ROCK1: variants seen among roughly 807,000 people sequenced by gnomAD.
ROCK1 encodes the protein rho-associated protein kinase 1.
In ROCK1, 36 loss-of-function variants were observed where a neutral mutation model predicts 196.8. The observed-to-expected ratio is 0.18, with a 90% confidence interval of 0.14 to 0.24. The LOEUF (loss-of-function observed/expected upper bound fraction) is 0.24, where lower values mean the gene tolerates loss of function less well. ROCK1 is among the 10% of genes least tolerant of loss of function. The pLI is 1.00. For missense variants in ROCK1, 920 were observed against 1,562.0 expected (o/e 0.59, Z 6.93); for synonymous variants, 443 against 515.9 (o/e 0.86, Z 1.91).
rs1491188980 is a variant in ROCK1 at position 21,078,373 on chromosome 18, C to CACAG, written c.94-7761_94-7760insCTGT. 3.7e-3 allele frequency among the ~76,000 whole-genome samples: 242 copies of CACAG among 66,202 alleles called. 1 individual carries two copies. Among genetic ancestry groups the CACAG allele is most frequent in the East Asian group, 0.022 (37 of 1,720 alleles). 43.4% of individuals were successfully genotyped at this position (66,202 alleles called of 152,430 possible). A position where few individuals can be genotyped will look rare whatever the true frequency, so the allele number is the denominator to read the frequency against. ...ACACACACACACACACACACACACA[C>CACAG]AGAGAGAGAGAGAGAGAGAGAGAGA... On this transcript the variant is annotated intron_variant, in intron 1 of 32. Coordinates refer to ENST00000399799, the MANE Select transcript of ROCK1 (RefSeq NM_005406.3).
rs2143398382 is a variant in ROCK1 at position 20,987,063 on chromosome 18, C to T, written c.2191G>A (p.Glu731Lys). The change falls in exon 19 of 33, where the codon GAA becomes AAA. Residue 731 changes from glutamate to lysine, a missense_variant. Coordinates refer to ENST00000399799, the MANE Select transcript of ROCK1 (RefSeq NM_005406.3). ...KEEREAREKAENRVVQIEKQC... is the reference protein window; with the variant it reads ...KEEREAREKAKNRVVQIEKQC... ...TTCTCAATCTGAACAACCCGATTTT[C>T]AGCCTTCTCTCGAGCTTCTCTTTCT... 6.2e-7 allele frequency: 1 copy of T among 1,613,002 alleles called. No homozygotes were observed. The highest frequency in any genetic ancestry group is 8.5e-7 in the Non-Finnish European group (1 of 1,179,774).
At chr18:20,990,948 CG>C (rs2035619813) in intron 18 of ROCK1, among the ~76,000 whole-genome samples, 1 of 151,824 alleles carries the variant, frequency 6.6e-6, no homozygotes, top group Admixed American at 6.6e-5. Context: ...TTAGTAGAGA[CG>C]GGGTTTCACC....
intron 1 of ROCK1, among the ~76,000 whole-genome samples, chr18:21,100,308 C>T (rs2036647997): frequency 6.6e-6 from 1 of 151,612 alleles, no homozygotes; most frequent in East Asian, 1.9e-4. Flanking sequence ...TAGCATTCCC[C>T]ACCAAAAGGA....
chr18:21,069,693 T>G (rs2036367068), intron 2 of ROCK1, among the ~76,000 whole-genome samples: 1 of 152,122 alleles, frequency 6.6e-6, no homozygotes, highest in Non-Finnish European at 1.5e-5. Context: ...CTCCATCTTT[T>G]TAGTTCCTTC....
chr18:21,102,785 C>T lies in ROCK1; in HGVS notation c.93+8033G>A, dbSNP rs567707727. Among the ~76,000 whole-genome samples the T allele has an allele frequency of 6.6e-5, 10 of 151,976 alleles. No individual in the cohort carries two copies. The South Asian group carries it at 2.1e-3, about 32-fold the overall frequency. ...AGAGGCTGAGGCAGAAGAATGGCTTCAGCTCGGGAAGTGGAGGCTTCAGTG... is the reference window on the plus strand; with the variant it reads ...AGAGGCTGAGGCAGAAGAATGGCTTTAGCTCGGGAAGTGGAGGCTTCAGTG... On this transcript the variant is annotated intron_variant, in intron 1 of 32. Coordinates refer to ENST00000399799, the MANE Select transcript of ROCK1 (RefSeq NM_005406.3).
At position 20,951,789 on chromosome 18, in the gene ROCK1, T is replaced by A. The variant is rs2035190257; in HGVS notation, c.4062-402A>T. Among the ~76,000 whole-genome samples the A allele has an allele frequency of 2.0e-5, 3 of 152,164 alleles. No individual in the cohort carries two copies. In the South Asian group the frequency reaches 6.2e-4, roughly 32 times the overall value. ...TAGGGCATGAACAAAAGGGATGAAT[T>A]CAAGATGGCTTTAAGCCTGCTTGGA... On this transcript the variant is annotated intron_variant, in intron 32 of 32. Transcript: ENST00000399799.
chr18:21,092,756 G>C (rs1453022033), intron 1 of ROCK1, among the ~76,000 whole-genome samples: 1 of 152,072 alleles, frequency 6.6e-6, no homozygotes, highest in African/African-American at 2.4e-5. Flanking sequence ...GAGCTGTGAT[G>C]AATCACAAGA....
chr18:21,083,050 A>G (rs1261605539), intron 1 of ROCK1, among the ~76,000 whole-genome samples: 1 of 152,218 alleles, frequency 6.6e-6, no homozygotes, highest in African/African-American at 2.4e-5. Context: ...ATATACTAAC[A>G]GTGAATAATC....
At chr18:21,040,051 T>G (rs1055019328) in intron 8 of ROCK1, among the ~76,000 whole-genome samples, 1 of 152,090 alleles carries the variant, frequency 6.6e-6, no homozygotes, top group Non-Finnish European at 1.5e-5. Flanking sequence ...ACAGCGAGAC[T>G]CCGTCTCAAA....
At chr18:21,001,900 G>T (rs972638099) in intron 16 of ROCK1, among the ~76,000 whole-genome samples, 4 of 151,926 alleles carry the variant, frequency 2.6e-5, no homozygotes, top group African/African-American at 9.7e-5. Flanking sequence ...GAAAACTGAT[G>T]GATTACATTA....
intron 2 of ROCK1, among the ~76,000 whole-genome samples, chr18:21,053,715 TA>T (rs1381695811): frequency 6.6e-6 from 1 of 152,106 alleles, no homozygotes; most frequent in Non-Finnish European, 1.5e-5. Context: ...CATGCACTTG[TA>T]GTCCCAGCTA....
intron 1 of ROCK1, among the ~76,000 whole-genome samples, chr18:21,096,070 T>C (rs1170713904): frequency 5.9e-5 from 9 of 152,114 alleles, no homozygotes; most frequent in Admixed American, 5.2e-4. Context: ...GGATACTCCA[T>C]TTACCCTGAT....
At chr18:21,067,002 C>G (rs989753783) in intron 2 of ROCK1, among the ~76,000 whole-genome samples, 1 of 152,164 alleles carries the variant, frequency 6.6e-6, no homozygotes, top group African/African-American at 2.4e-5. Context: ...AAGAAACAAC[C>G]AAACTGTTTT....
In ROCK1 at chr18:20,970,532, A is replaced by G. The variant is rs772361219; in HGVS notation, c.2655-19T>C. 1 of 1,573,876 alleles carries G rather than the reference A, an allele frequency of 6.4e-7. No homozygotes were observed. The highest frequency in any genetic ancestry group is 1.7e-5 in the Admixed American group (1 of 57,460). On this transcript the variant is annotated intron_variant, in intron 22 of 32. Coordinates refer to ENST00000399799, the MANE Select transcript of ROCK1 (RefSeq NM_005406.3). ...AGTTTCTCTGCAACAATTTTTTAAG[A>G]GAAACTGATGTAAACAAATTCAGTT...
chr18:21,105,250 A>C (rs530414757), intron 1 of ROCK1, among the ~76,000 whole-genome samples: 1 of 152,204 alleles, frequency 6.6e-6, no homozygotes, highest in Non-Finnish European at 1.5e-5. Flanking sequence ...CTAGATTTCA[A>C]TCCAAGTTTA....
chr18:21,044,196 G>T lies in ROCK1; in HGVS notation c.591-10C>A, dbSNP rs770713763. ...ATCAGGCTTCACATCTCTGCAGGAGGGAAAAAATAGTACAGTATTTTCTGA... is the reference window on the plus strand; with the variant it reads ...ATCAGGCTTCACATCTCTGCAGGAGTGAAAAAATAGTACAGTATTTTCTGA... On this transcript the variant is annotated splice_polypyrimidine_tract_variant and intron_variant, in intron 5 of 32. Transcript: ENST00000399799. 4 of 1,588,216 alleles carry T rather than the reference G, an allele frequency of 2.5e-6. No homozygotes were observed. The African/African-American group carries it at 5.4e-5, about 22-fold the overall frequency.
intron 9 of ROCK1, among the ~76,000 whole-genome samples, chr18:21,029,734 TA>T (rs2035990304): frequency 6.6e-6 from 1 of 152,170 alleles, no homozygotes; most frequent in Admixed American, 6.5e-5. Context: ...AAATTCCATA[TA>T]AAACTAATAC....
At chr18:21,077,114 C>T (rs1207079285) in intron 1 of ROCK1, among the ~76,000 whole-genome samples, 2 of 151,670 alleles carry the variant, frequency 1.3e-5, no homozygotes, top group African/African-American at 2.4e-5. Flanking sequence ...GCTGGGACTA[C>T]AGGCGCCCAC....
chr18:21,043,655 T>C (rs759738005), intron 6 of ROCK1, among the ~76,000 whole-genome samples: 42 of 149,362 alleles, frequency 2.8e-4, no homozygotes, highest in Admixed American at 4.7e-4. Context: ...ACAGTGAGGA[T>C]AGGTATCTTT....
Sources: allele counts gnomAD v4.1 joint callset (sites outside exome capture counted in the v4.1 genomes callset), GRCh38; gene constraint gnomAD v4.1.1; transcripts MANE v1.5; gene names NCBI Gene and HGNC (gene_info 2026-07-23, HGNC 2026-07-21).